The following GLUD2 variants were observed in gnomAD, a reference collection of about 807,000 sequenced individuals.
GLUD2 encodes glutamate dehydrogenase 2.
A neutral mutation model predicts 16.2 loss-of-function variants in GLUD2; 11 were observed. That is an observed-to-expected ratio of 0.68 (90% CI 0.43 to 1.13). The LOEUF is 1.13. Ranked by LOEUF, GLUD2 falls within the 50% of genes most tolerant of loss-of-function variation. The pLI, the probability that GLUD2 is intolerant of heterozygous loss-of-function variation, is 0.00. For missense variants in GLUD2, 360 were observed against 456.4 expected (o/e 0.79, Z 1.93); for synonymous variants, 147 against 181.9 (o/e 0.81, Z 1.55).
In GLUD2 at chrX:121,048,338, C is replaced by A. The variant is rs746028809; in HGVS notation, c.654C>A (p.Gly218=). Residue 218 remains glycine (G), a synonymous_variant, in exon 1 of 1, where the codon GGC becomes GGA. Coordinates refer to ENST00000328078, the MANE Select transcript of GLUD2 (RefSeq NM_012084.4). Reference sequence around the variant, plus strand: ...CAAAGAAGGGCTTTATTGGTCCTGGCGTTGATGTGCCTGCTCCAGACATGA... The same window carrying A: ...CAAAGAAGGGCTTTATTGGTCCTGGAGTTGATGTGCCTGCTCCAGACATGA... ...ELAKKGFIGP[G]VDVPAPDMNT... The A allele has an allele frequency of 1.7e-6, 2 of 1,211,496 alleles. No individual in the cohort carries two copies. Among genetic ancestry groups the A allele is most frequent in the Non-Finnish European group, 2.2e-6 (2 of 895,412 alleles).
In GLUD2 at chrX:121,047,623, G is replaced by C. The variant is rs1925370914; in HGVS notation, c.-62G>C. 3.9e-6 allele frequency: 3 copies of C among 763,871 alleles called. No individual in the cohort carries two copies. Among genetic ancestry groups the C allele is most frequent in the African/African-American group, 2.2e-5 (1 of 45,010 alleles). The allele number at this position is 763,871 out of a possible 1,213,427, so 63.0% of individuals were successfully genotyped here. A position where few individuals can be genotyped will look rare whatever the true frequency, so the allele number is the denominator to read the frequency against. ...CGCCGGACCCTTCCTTCCTAGTCGC[G>C]GGGAGTCTGAGAAAGCGCACCTGTT... On this transcript the variant is annotated 5_prime_UTR_variant, in exon 1 of 1. Transcript: ENST00000328078.
Position 121,049,124 on chromosome X carries a change from G to C in GLUD2, c.1440G>C (p.Lys480Asn). The C allele has an allele frequency of 2.5e-6, 3 of 1,211,903 alleles. No individual in the cohort carries two copies. Among genetic ancestry groups the C allele is most frequent in the Non-Finnish European group, 3.4e-6 (3 of 895,478 alleles). The part of the protein sequence containing the change: ...VQESLERKFG[K>N]HGGTIPIVPT... ...AGAGTTTAGAAAGAAAATTTGGAAA[G>C]CATGGTGGAACTATTCCCATTGTAC... The change falls in exon 1 of 1, where the codon AAG (lysine) becomes AAC (asparagine). Residue 480 changes from lysine to asparagine, a missense_variant. By Grantham distance (94) the Lys-to-Asn change is moderately conservative. Around this residue, in one of 3 missense-constraint regions of GLUD2, gnomAD observed 279 missense variants for 352.9 expected, o/e 0.79. Coordinates refer to ENST00000328078, the MANE Select transcript of GLUD2 (RefSeq NM_012084.4).
Position 121,048,892 on chromosome X carries a change from A to G in GLUD2, c.1208A>G (p.Glu403Gly). Residue 403 changes from glutamate to glycine, a missense_variant, in exon 1 of 1, where the codon GAA (glutamate) becomes GGA (glycine). Coordinates refer to ENST00000328078, the MANE Select transcript of GLUD2 (RefSeq NM_012084.4). The part of the protein sequence containing the change: ...APRVKAKIIA[E>G]GANGPTTPEA... Reference sequence around the variant, plus strand: ...AGAGTCAAAGCCAAGATCATTGCTGAAGGTGCCAATGGGCCAACAACTCCA... The same window carrying G: ...AGAGTCAAAGCCAAGATCATTGCTGGAGGTGCCAATGGGCCAACAACTCCA... 1 of 1,211,897 alleles carries G rather than the reference A, an allele frequency of 8.3e-7. No individual in the cohort carries two copies. The highest frequency in any genetic ancestry group is 1.1e-6 in the Non-Finnish European group (1 of 895,478).
In GLUD2 at chrX:121,049,331, G is replaced by T. The variant is rs1925451938; in HGVS notation, c.1647G>T (p.Val549=). The T allele has an allele frequency of 3.3e-6, 4 of 1,208,499 alleles. No individual in the cohort carries two copies. The highest frequency in any genetic ancestry group is 4.5e-6 in the Non-Finnish European group (4 of 893,599). ...ATGCCATTGAAAAAGTCTTCAAAGT[G>T]TACAGTGAAGCTGGTGTGACCTTCA... The part of the protein sequence containing the change: ...YVNAIEKVFK[V]YSEAGVTFT The change falls in exon 1 of 1, where the codon GTG becomes GTT. Residue 549 remains valine, a synonymous_variant. Transcript: ENST00000328078.
In GLUD2 at chrX:121,049,324, T is replaced by C. The variant is rs1221147898; in HGVS notation, c.1640T>C (p.Phe547Ser). The C allele has an allele frequency of 1.7e-6, 2 of 1,210,106 alleles. No individual in the cohort carries two copies. Among genetic ancestry groups the C allele is most frequent in the Admixed American group, 4.3e-5 (2 of 46,056 alleles). Residue 547 changes from phenylalanine to serine, a missense_variant, in exon 1 of 1, where the codon TTC becomes TCC. Around this residue, in one of 3 missense-constraint regions of GLUD2, gnomAD observed 279 missense variants for 352.9 expected, o/e 0.79. Transcript: ENST00000328078. ...AAYVNAIEKV[F>S]KVYSEAGVTF... ...TATGTCAATGCCATTGAAAAAGTCT[T>C]CAAAGTGTACAGTGAAGCTGGTGTG...
Position 121,048,420 on chromosome X carries a change from C to T in GLUD2, c.736C>T (p.His246Tyr). Residue 246 changes from histidine to tyrosine, a missense_variant, in exon 1 of 1, where the codon CAC (histidine) becomes TAC (tyrosine). This residue lies in a region of GLUD2 where 279 missense variants were observed against 352.9 expected (regional missense o/e 0.79). Coordinates refer to ENST00000328078, the MANE Select transcript of GLUD2 (RefSeq NM_012084.4). ...TGATACCTATGCCAGCACCATAGGG[C>T]ACTATGATATTAATGCACACGCCTG... Reference protein sequence around the residue: ...IADTYASTIGHYDINAHACVT... With the variant: ...IADTYASTIGYYDINAHACVT... The T allele has an allele frequency of 5.8e-6, 7 of 1,211,124 alleles. No homozygotes were observed. In the South Asian group the frequency reaches 1.2e-4, roughly 21 times the overall value.
Position 121,048,972 on chromosome X carries a change from T to G in GLUD2, c.1288T>G (p.Leu430Val). Residue 430 changes from leucine (L) to valine (V), a missense_variant, in exon 1 of 1, where the codon TTG (leucine) becomes GTG (valine). By Grantham distance (32) the Leu-to-Val change is conservative. This residue lies in a region of GLUD2 where 279 missense variants were observed against 352.9 expected (regional missense o/e 0.79). Transcript: ENST00000328078. ...CATTTTGGTTATTCCAGATCTCTAC[T>G]TGAATGCTGGAGGAGTGACAGTATC... ...RNILVIPDLY[L>V]NAGGVTVSYF... 1 of 1,211,680 alleles carries G rather than the reference T, an allele frequency of 8.3e-7. No homozygotes were observed. Among genetic ancestry groups the G allele is most frequent in the Non-Finnish European group, 1.1e-6 (1 of 895,217 alleles).
In GLUD2 at chrX:121,048,360, A is replaced by T. The variant is rs768917572; in HGVS notation, c.676A>T (p.Met226Leu). ...TGGCGTTGATGTGCCTGCTCCAGAC[A>T]TGAACACAGGTGAGCGGGAGATGTC... ...GPGVDVPAPD[M>L]NTGEREMSWI... The change falls in exon 1 of 1, where the codon ATG (methionine) becomes TTG (leucine). Residue 226 changes from methionine (M) to leucine (L), a missense_variant. Transcript: ENST00000328078. The T allele has an allele frequency of 1.7e-6, 2 of 1,209,927 alleles. No individual in the cohort carries two copies. Among genetic ancestry groups the T allele is most frequent in the African/African-American group, 1.8e-5 (1 of 57,062 alleles).
chrX:121,048,949 T>C lies in GLUD2; in HGVS notation c.1265T>C (p.Ile422Thr). 1 of 1,211,450 alleles carries C rather than the reference T, an allele frequency of 8.3e-7. No individual in the cohort carries two copies. Residue 422 changes from isoleucine (I) to threonine (T), a missense_variant, in exon 1 of 1, where the codon ATT becomes ACT. By Grantham distance (89) the Ile-to-Thr change is moderately conservative. Around this residue, in one of 3 missense-constraint regions of GLUD2, gnomAD observed 279 missense variants for 352.9 expected, o/e 0.79. Transcript: ENST00000328078. The part of the protein sequence containing the change: ...EADKIFLERN[I>T]LVIPDLYLNA... ...GATAAGATCTTCCTGGAGAGAAACA[T>C]TTTGGTTATTCCAGATCTCTACTTG...
Position 121,048,153 on chromosome X carries a change from A to G in GLUD2, c.469A>G (p.Ser157Gly), listed in dbSNP as rs1294068395. 1.7e-6 allele frequency: 2 copies of G among 1,210,096 alleles called. No homozygotes were observed. Among genetic ancestry groups the G allele is most frequent in the African/African-American group, 3.5e-5 (2 of 57,162 alleles). The change falls in exon 1 of 1, where the codon AGT becomes GGT. Residue 157 changes from serine (S) to glycine (G), a missense_variant. Around this residue, in one of 3 missense-constraint regions of GLUD2, gnomAD observed 279 missense variants for 352.9 expected, o/e 0.79. Transcript: ENST00000328078. ...AGGTATCCGTTACAGCACTGATGTG[A>G]GTGTAGATGAAGTAAAAGCTTTGGC... is the stretch of plus-strand genomic sequence containing the variant. Reference protein sequence around the residue: ...KGGIRYSTDVSVDEVKALASL... With the variant: ...KGGIRYSTDVGVDEVKALASL...
In GLUD2 at chrX:121,047,918, C is replaced by A. The variant is rs758313295; in HGVS notation, c.234C>A (p.Ala78=). 2 of 1,211,269 alleles carry A rather than the reference C, an allele frequency of 1.7e-6. No homozygotes were observed. Among genetic ancestry groups the A allele is most frequent in the Non-Finnish European group, 2.2e-6 (2 of 895,558 alleles). Residue 78 remains alanine, a synonymous_variant, in exon 1 of 1, where the codon GCC becomes GCA. Transcript: ENST00000328078. ...KMVEGFFDRG[A]SIVEDKLVKD... Reference sequence around the variant, plus strand: ...TGGAGGGCTTCTTCGATCGCGGCGCCAGCATCGTGGAGGACAAGTTGGTGA... The same window carrying A: ...TGGAGGGCTTCTTCGATCGCGGCGCAAGCATCGTGGAGGACAAGTTGGTGA...
chrX:121,049,898 G>A lies in GLUD2; in HGVS notation c.*537G>A, dbSNP rs2147397427. 7.6e-6 allele frequency: 1 copy of A among 132,102 alleles called. No individual in the cohort carries two copies. The highest frequency in any genetic ancestry group is 1.7e-5 in the Non-Finnish European group (1 of 58,350). The allele number at this position is 132,102 out of a possible 1,213,427, so 10.9% of individuals were successfully genotyped here. The stretch of plus-strand genomic sequence containing the variant: ...TTATGAATTTTATTCTTTTAGAATA[G>A]AATAAGTACATGCTGCTGTAATAAA... On this transcript the variant is annotated 3_prime_UTR_variant, in exon 1 of 1. Coordinates refer to ENST00000328078, the MANE Select transcript of GLUD2 (RefSeq NM_012084.4).
rs768302159 is a variant in GLUD2 at position 121,048,865 on chromosome X, C to T, written c.1181C>T (p.Pro394Leu). The change falls in exon 1 of 1, where the codon CCC becomes CTC. Residue 394 changes from proline (P) to leucine (L), a missense_variant. Pro to Leu is a moderately conservative substitution (Grantham distance 98). Around this residue, in one of 3 missense-constraint regions of GLUD2, gnomAD observed 279 missense variants for 352.9 expected, o/e 0.79. Transcript: ENST00000328078. The stretch of plus-strand genomic sequence containing the variant: ...AAGCAGTTGACCAAATCCAACGCAC[C>T]CAGAGTCAAAGCCAAGATCATTGCT... ...TEKQLTKSNA[P>L]RVKAKIIAEG... is the part of the protein sequence containing the mutation. The T allele has an allele frequency of 2.5e-6, 3 of 1,211,545 alleles. No individual in the cohort carries two copies. The South Asian group carries it at 5.3e-5, about 21-fold the overall frequency.
In GLUD2 at chrX:121,050,008, A is replaced by G. The variant is rs902864375; in HGVS notation, c.*647A>G. Reference sequence around the variant, plus strand: ...AAATGAAAAAAAACAGTATTTTTATATCATAAAAGTTTCATTTGTAGCTTA... The same window carrying G: ...AAATGAAAAAAAACAGTATTTTTATGTCATAAAAGTTTCATTTGTAGCTTA... On this transcript the variant is annotated 3_prime_UTR_variant, in exon 1 of 1. Transcript: ENST00000328078. 8.1e-6 allele frequency: 1 copy of G among 123,836 alleles called. No homozygotes were observed. The highest frequency in any genetic ancestry group is 3.2e-5 in the African/African-American group (1 of 30,888). 10.2% of individuals were successfully genotyped at this position (123,836 alleles called of 1,213,427 possible).
At position 121,048,269 on chromosome X, in the gene GLUD2, A is replaced by T. The variant is rs766742477; in HGVS notation, c.585A>T (p.Glu195Asp). 1 of 1,211,864 alleles carries T rather than the reference A, an allele frequency of 8.3e-7. No homozygotes were observed. The highest frequency in any genetic ancestry group is 1.1e-6 in the Non-Finnish European group (1 of 895,462). The part of the protein sequence containing the change: ...GVKINPKNYT[E>D]NELEKITRRF... ...AGATCAATCCCAAGAACTATACCGA[A>T]AATGAATTGGAAAAGATCACAAGGA... is the stretch of plus-strand genomic sequence containing the variant. The change falls in exon 1 of 1, where the codon GAA (glutamate) becomes GAT (aspartate). Residue 195 changes from glutamate (E) to aspartate (D), a missense_variant. Transcript: ENST00000328078.
rs1474414238 is a variant in GLUD2 at position 121,049,622 on chromosome X, G to A, written c.*261G>A. The A allele has an allele frequency of 7.4e-6, 3 of 405,964 alleles. No homozygotes were observed. The highest frequency in any genetic ancestry group is 2.5e-5 in the African/African-American group (1 of 39,688). 33.5% of individuals were successfully genotyped at this position (405,964 alleles called of 1,213,427 possible). A position where few individuals can be genotyped will look rare whatever the true frequency, so the allele number is the denominator to read the frequency against. ...TAAAAAGCCTCCTCCATATGGCTGT[G>A]CAGCCTTGCTCTGTGGCTTTTCCCA... On this transcript the variant is annotated 3_prime_UTR_variant, in exon 1 of 1. Transcript: ENST00000328078.
In GLUD2 at chrX:121,048,760, T is replaced by G; in HGVS notation, c.1076T>G (p.Leu359Arg). 2 of 1,211,619 alleles carry G rather than the reference T, an allele frequency of 1.7e-6. No homozygotes were observed. The highest frequency in any genetic ancestry group is 1.1e-6 in the Non-Finnish European group (1 of 895,416). Residue 359 changes from leucine (L) to arginine (R), a missense_variant, in exon 1 of 1, where the codon CTG becomes CGG. Transcript: ENST00000328078. ...EDFKLQHGSILGFPKAKPYEG... is the reference protein window; with the variant it reads ...EDFKLQHGSIRGFPKAKPYEG... ...TTCAAATTGCAACATGGGTCCATTCTGGGCTTCCCCAAGGCAAAGCCCTAT... is the reference window on the plus strand; with the variant it reads ...TTCAAATTGCAACATGGGTCCATTCGGGGCTTCCCCAAGGCAAAGCCCTAT...
rs1404226136 is a variant in GLUD2 at position 121,049,820 on chromosome X, A to G, written c.*459A>G. ...AAGTGAGTTCTTAGTATTTTATATC[A>G]GCAAAATAACTCAATTTTGCAGATT... is the stretch of plus-strand genomic sequence containing the variant. On this transcript the variant is annotated 3_prime_UTR_variant, in exon 1 of 1. Transcript: ENST00000328078. 1.4e-5 allele frequency: 2 copies of G among 144,755 alleles called. No individual in the cohort carries two copies. Among genetic ancestry groups the G allele is most frequent in the Non-Finnish European group, 3.0e-5 (2 of 66,464 alleles). The allele number at this position is 144,755 out of a possible 1,213,427, so 11.9% of individuals were successfully genotyped here. A position where few individuals can be genotyped will look rare whatever the true frequency, so the allele number is the denominator to read the frequency against.
Position 121,049,243 on chromosome X carries a change from A to G in GLUD2, c.1559A>G (p.Gln520Arg). The change falls in exon 1 of 1, where the codon CAA (glutamine) becomes CGA (arginine). Residue 520 changes from glutamine to arginine, a missense_variant. Transcript: ENST00000328078. ...TACACAATGGAGCGTTCTGCCAGGCAAATTATGCACACAGCCATGAAGTAT... is the reference window on the plus strand; with the variant it reads ...TACACAATGGAGCGTTCTGCCAGGCGAATTATGCACACAGCCATGAAGTAT... ...LAYTMERSAR[Q>R]IMHTAMKYNL... The G allele has an allele frequency of 1.7e-6, 2 of 1,211,472 alleles. No individual in the cohort carries two copies. The highest frequency in any genetic ancestry group is 1.1e-6 in the Non-Finnish European group (1 of 895,012).
Sources: gnomAD v4.1 joint callset for allele counts on GRCh38, gnomAD v4.1.1 for gene constraint, gnomAD v4.1.1 regional missense constraint, MANE v1.5 for transcripts, NCBI Gene and HGNC (gene_info 2026-07-23, HGNC 2026-07-21) for gene names.